PTPRM: variants seen among roughly 807,000 people sequenced by gnomAD.
PTPRM encodes the protein protein tyrosine phosphatase receptor type M.
In PTPRM, 47 loss-of-function variants were observed where a neutral mutation model predicts 186.7. The ratio of observed to expected loss-of-function variants is 0.25; its 90% confidence interval spans 0.20 to 0.32. The LOEUF (loss-of-function observed/expected upper bound fraction) is 0.32, where lower values mean the gene tolerates loss of function less well. Ranked by LOEUF, PTPRM falls within the 10% of genes least tolerant of loss-of-function variation. The pLI is 1.00. For synonymous variants in PTPRM, 668 were observed against 674.9 expected (o/e 0.99, Z 0.16); for missense variants, 1,494 against 1,865.0 (o/e 0.80, Z 3.66).
intron 8 of PTPRM, among the ~76,000 whole-genome samples, chr18:8,072,119 AT>A (rs376180214): frequency 6.6e-6 from 1 of 152,330 alleles, no homozygotes; most frequent in African/African-American, 2.4e-5. Context: ...TTCTATAGCA[AT>A]AGGCGTGATA....
At chr18:7,696,483 TAGTC>T (rs1312118848) in intron 1 of PTPRM, among the ~76,000 whole-genome samples, 6 of 152,220 alleles carry the variant, frequency 3.9e-5, no homozygotes, top group Non-Finnish European at 7.3e-5. Flanking sequence ...TATTTTGAAA[TAGTC>T]ATACATAGAA....
intron 11 of PTPRM, among the ~76,000 whole-genome samples, chr18:8,108,990 GA>G (rs1163264165): frequency 1.3e-5 from 2 of 152,156 alleles, no homozygotes; most frequent in Non-Finnish European, 2.9e-5. Flanking sequence ...AGAAATTTCT[GA>G]TCAGTTTTCT....
intron 14 of PTPRM, among the ~76,000 whole-genome samples, chr18:8,242,699 A>C (rs1404547596): frequency 6.6e-6 from 1 of 152,228 alleles, no homozygotes; most frequent in Non-Finnish European, 1.5e-5. Context: ...TCTGCCTTCA[A>C]AGTATGAAAT....
intron 2 of PTPRM, among the ~76,000 whole-genome samples, chr18:7,783,061 C>T (rs2042931933): frequency 6.6e-6 from 1 of 152,096 alleles, no homozygotes; most frequent in South Asian, 2.1e-4. Context: ...CTTAAATTTC[C>T]CATAAAATTG....
Position 8,376,468 on chromosome 18 carries a change from T to G in PTPRM, c.3333T>G (p.Gly1111=). 1 of 1,614,156 alleles carries G rather than the reference T, an allele frequency of 6.2e-7. No homozygotes were observed. Among genetic ancestry groups the G allele is most frequent in the Non-Finnish European group, 8.5e-7 (1 of 1,180,014 alleles). The change falls in exon 26 of 33, where the codon GGT becomes GGG. Residue 1111 remains glycine (G), a synonymous_variant. Transcript: ENST00000580170. ...GACCCCCCTTTTCATTCAGTGCTGG[T>G]GCAGGGAGGACTGGCTGTTTCATCG... The part of the protein sequence containing the change: ...AGPLVVHCSA[G]AGRTGCFIVI...
At position 8,380,462 on chromosome 18, in the gene PTPRM, C is replaced by G. The variant is rs111565796; in HGVS notation, c.3918+35C>G. On this transcript the variant is annotated intron_variant, in intron 29 of 32. Coordinates refer to ENST00000580170, the MANE Select transcript of PTPRM (RefSeq NM_001105244.2). ...GGACTTCTTACAGTCAGAACTAGTG[C>G]CAGGGGGTCAAGTTTGTTTTTACAC... The G allele has an allele frequency of 9.3e-4, 1,500 of 1,612,052 alleles. 14 individuals carry two copies. The African/African-American group carries it at 0.017, about 18-fold the overall frequency.
At chr18:7,759,633 A>C (rs1444597144) in intron 1 of PTPRM, among the ~76,000 whole-genome samples, 1 of 152,200 alleles carries the variant, frequency 6.6e-6, no homozygotes, top group East Asian at 1.9e-4. Flanking sequence ...GCATCAAAAT[A>C]AGAAATATCT....
At chr18:7,869,686 C>T (rs2047892364) in intron 2 of PTPRM, among the ~76,000 whole-genome samples, 1 of 152,040 alleles carries the variant, frequency 6.6e-6, no homozygotes, top group African/African-American at 2.4e-5. Flanking sequence ...TTTTAAGCTT[C>T]CCAAGGAAAG....
chr18:7,780,888 G>A lies in PTPRM; in HGVS notation c.196+6617G>A, dbSNP rs113491775. On this transcript the variant is annotated intron_variant, in intron 2 of 32. Coordinates refer to ENST00000580170, the MANE Select transcript of PTPRM (RefSeq NM_001105244.2). Reference sequence around the variant, plus strand: ...GGCCATGGAGGCTGAGTGATCCAGCGTAGGGAAGAGCAGGAGTGTGCTCTG... The same window carrying A: ...GGCCATGGAGGCTGAGTGATCCAGCATAGGGAAGAGCAGGAGTGTGCTCTG... Among the ~76,000 whole-genome samples the A allele has an allele frequency of 1.3e-3, 198 of 152,226 alleles. 1 individual carries two copies. Among genetic ancestry groups the A allele is most frequent in the African/African-American group, 4.6e-3 (191 of 41,538 alleles).
intron 5 of PTPRM, among the ~76,000 whole-genome samples, chr18:7,944,814 T>G (rs2052407487): frequency 6.6e-6 from 1 of 152,202 alleles, no homozygotes; most frequent in South Asian, 2.1e-4. Context: ...GAAACTTCTG[T>G]GCATCCTGAA....
intron 11 of PTPRM, among the ~76,000 whole-genome samples, chr18:8,109,263 A>G (rs1444759569): frequency 6.6e-6 from 1 of 152,190 alleles, no homozygotes; most frequent in Non-Finnish European, 1.5e-5. Context: ...GGATTTAGCT[A>G]TTTTTCATTA....
At chr18:7,710,840 AC>A (rs2040196989) in intron 1 of PTPRM, among the ~76,000 whole-genome samples, 1 of 152,176 alleles carries the variant, frequency 6.6e-6, no homozygotes, top group Admixed American at 6.5e-5. Flanking sequence ...ATAGGACTAA[AC>A]AAAGGAGATG....
intron 2 of PTPRM, among the ~76,000 whole-genome samples, chr18:7,782,447 CA>C (rs1261252127): frequency 1.3e-5 from 2 of 152,180 alleles, no homozygotes; most frequent in African/African-American, 4.8e-5. Context: ...TACATAGCGT[CA>C]AATTTACTAT....
At chr18:8,216,226 C>T (rs149629472) in intron 14 of PTPRM, among the ~76,000 whole-genome samples, 3 of 152,188 alleles carry the variant, frequency 2.0e-5, no homozygotes, top group Admixed American at 6.5e-5. Context: ...GTTTTTCCAA[C>T]AAGATTGTCT....
At chr18:8,231,865 AAC>A (rs375720842) in intron 14 of PTPRM, among the ~76,000 whole-genome samples, 5 of 151,990 alleles carry the variant, frequency 3.3e-5, no homozygotes, top group African/African-American at 1.2e-4. Flanking sequence ...CCCCCCTGCC[AAC>A]ACACACACAC....
rs1386066009 is a variant in PTPRM at position 8,387,202 on chromosome 18, A to G, written c.4175A>G (p.Asn1392Ser). The change falls in exon 31 of 33, where the codon AAT becomes AGT. Residue 1392 changes from asparagine (N) to serine (S), a missense_variant. Physicochemically the swap from Asn to Ser is conservative, Grantham distance 46. Transcript: ENST00000580170. ...RQVDKWQEEY[N>S]GGEGRTVVHC... ...GTGGACAAGTGGCAAGAGGAGTACAATGGCGGGGAAGGCCGCACGGTTGTG... is the reference window on the plus strand; with the variant it reads ...GTGGACAAGTGGCAAGAGGAGTACAGTGGCGGGGAAGGCCGCACGGTTGTG... 10 of 1,613,910 alleles carry G rather than the reference A, an allele frequency of 6.2e-6. No individual in the cohort carries two copies. The highest frequency in any genetic ancestry group is 5.0e-5 in the Admixed American group (3 of 60,004).
chr18:7,868,955 G>A (rs557413353), intron 2 of PTPRM, among the ~76,000 whole-genome samples: 12 of 152,288 alleles, frequency 7.9e-5, no homozygotes, highest in Non-Finnish European at 1.3e-4. Context: ...AGCTGTGGTG[G>A]GCTTCACCCC....
chr18:8,330,773 T>C (rs1244748256), intron 22 of PTPRM, among the ~76,000 whole-genome samples: 3 of 152,098 alleles, frequency 2.0e-5, no homozygotes, highest in East Asian at 3.9e-4. Flanking sequence ...ATGAATGCTC[T>C]GTACCTCCGC....
chr18:7,921,191 A>G (rs955013442), intron 4 of PTPRM, among the ~76,000 whole-genome samples: 2 of 152,100 alleles, frequency 1.3e-5, no homozygotes, highest in Non-Finnish European at 2.9e-5. Flanking sequence ...CTGTTGCTCA[A>G]CTACCTCTTG....
Sources: gnomAD v4.1 joint callset for allele counts (sites outside exome capture counted in the v4.1 genomes callset) on GRCh38, gnomAD v4.1.1 for gene constraint, MANE v1.5 for transcripts, NCBI Gene and HGNC (gene_info 2026-07-23, HGNC 2026-07-21) for gene names.